Variants in PPP3CA observed in about 807,000 individuals in gnomAD.
The protein encoded by PPP3CA is protein phosphatase 3 catalytic subunit alpha.
Under a neutral mutation model 66.5 loss-of-function variants are expected in PPP3CA, and 14 were observed. That is an observed-to-expected ratio of 0.21 (90% confidence interval 0.14 to 0.33). PPP3CA has a LOEUF of 0.33. Ranked by LOEUF, PPP3CA falls within the 10% of genes least tolerant of loss-of-function variation. PPP3CA has a pLI of 1.00. For missense variants in PPP3CA, 317 were observed against 639.5 expected, an observed-to-expected ratio of 0.50 and a Z score of 5.44; for synonymous variants, 232 against 226.2, an observed-to-expected ratio of 1.03 and a Z score of -0.23.
intron 1 of PPP3CA, among the ~76,000 whole-genome samples, chr4:101,294,090 C>G (rs1728117422): frequency 6.6e-6 from 1 of 152,170 alleles, no homozygotes; most frequent in South Asian, 2.1e-4. Flanking sequence ...TGAGGAATGT[C>G]AACATCATCA....
chr4:101,106,450 A>AAAGAAAGAAGGAAAG (rs751759518), intron 3 of PPP3CA, among the ~76,000 whole-genome samples: 2 of 11,122 alleles, frequency 1.8e-4, no homozygotes, highest in East Asian at 3.1e-3. Context: ...AGAAAGAAAG[A>AAAGAAAGAAGGAAAG]AAGAGAAAAG....
chr4:101,268,677 T>C (rs560522813), intron 1 of PPP3CA, among the ~76,000 whole-genome samples: 1 of 152,138 alleles, frequency 6.6e-6, no homozygotes, highest in African/African-American at 2.4e-5. Context: ...ACAATCCCTA[T>C]AGCATATTAT....
intron 2 of PPP3CA, among the ~76,000 whole-genome samples, chr4:101,140,809 T>C (rs1722784068): frequency 6.6e-6 from 1 of 152,176 alleles, no homozygotes; most frequent in South Asian, 2.1e-4. Context: ...TGATTCTGTC[T>C]CTCCATCCAC....
At chr4:101,285,479 C>T (rs149752287) in intron 1 of PPP3CA, among the ~76,000 whole-genome samples, 1,607 of 152,082 alleles carry the variant, frequency 0.011, 27 homozygotes, top group African/African-American at 0.037. Flanking sequence ...TAAAGAGTTC[C>T]CCCTTCTTAT....
chr4:101,281,764 G>A (rs1727692105), intron 1 of PPP3CA, among the ~76,000 whole-genome samples: 1 of 152,092 alleles, frequency 6.6e-6, no homozygotes, highest in Admixed American at 6.5e-5. Flanking sequence ...AACAAACTAG[G>A]TTCTTCCATA....
chr4:101,176,131 T>A (rs2110319531), intron 2 of PPP3CA, among the ~76,000 whole-genome samples: 1 of 152,206 alleles, frequency 6.6e-6, no homozygotes, highest in East Asian at 1.9e-4. Context: ...AGAAGTGAGC[T>A]CTGGGTCAAG....
At chr4:101,248,045 C>G (rs933539664) in intron 1 of PPP3CA, among the ~76,000 whole-genome samples, 1 of 152,130 alleles carries the variant, frequency 6.6e-6, no homozygotes, top group East Asian at 1.9e-4. Flanking sequence ...CGGAAAGGAG[C>G]TTGGAAACAG....
At chr4:101,184,938 C>A (rs1007850345) in intron 2 of PPP3CA, among the ~76,000 whole-genome samples, 4 of 152,018 alleles carry the variant, frequency 2.6e-5, no homozygotes, top group South Asian at 2.1e-4. Flanking sequence ...GGGGGAGCTG[C>A]GGCAGTCCCA....
intron 8 of PPP3CA, among the ~76,000 whole-genome samples, chr4:101,066,663 A>C (rs1449594153): frequency 6.6e-6 from 1 of 152,102 alleles, no homozygotes; most frequent in African/African-American, 2.4e-5. Context: ...TTGTAAAATA[A>C]ATATATAACA....
At chr4:101,249,475 C>T (rs867204330) in intron 1 of PPP3CA, among the ~76,000 whole-genome samples, 1 of 151,378 alleles carries the variant, frequency 6.6e-6, no homozygotes, top group Non-Finnish European at 1.5e-5. Context: ...AAAGGAAAGA[C>T]GTGTGTGTGT....
chr4:101,230,954 T>C (rs1725942164), intron 1 of PPP3CA, among the ~76,000 whole-genome samples: 1 of 151,742 alleles, frequency 6.6e-6, no homozygotes, highest in Admixed American at 6.6e-5. Flanking sequence ...ATTTTACTCA[T>C]ACCTCATAAT....
intron 1 of PPP3CA, among the ~76,000 whole-genome samples, chr4:101,222,300 A>G (rs1260488749): frequency 6.6e-6 from 1 of 151,608 alleles, no homozygotes; most frequent in African/African-American, 2.4e-5. Context: ...ACCACATGAT[A>G]ATATAAGTGG....
Position 101,345,149 on chromosome 4 carries a change from G to T in PPP3CA, c.58+1590C>A, listed in dbSNP as rs543698396. On this transcript the variant is annotated intron_variant, in intron 1 of 13. Coordinates refer to ENST00000394854, the MANE Select transcript of PPP3CA (RefSeq NM_000944.5). ...AGAGCTATTTCCTCATTATTTTCAT[G>T]GGTATATGAATCCTGCACCGAAGCT... 1.2e-4 allele frequency among the ~76,000 whole-genome samples: 18 copies of T among 152,208 alleles called. No homozygotes were observed. The East Asian group carries it at 3.5e-3, about 29-fold the overall frequency.
chr4:101,187,634 G>C (rs12647402), intron 2 of PPP3CA, among the ~76,000 whole-genome samples: 1 of 152,108 alleles, frequency 6.6e-6, no homozygotes, highest in Non-Finnish European at 1.5e-5. Flanking sequence ...ACATAAGAAA[G>C]AGAATTTCAA....
intron 3 of PPP3CA, among the ~76,000 whole-genome samples, chr4:101,101,008 A>C (rs930355335): frequency 3.3e-5 from 5 of 152,156 alleles, no homozygotes; most frequent in Non-Finnish European, 7.4e-5. Context: ...TATCAGAACA[A>C]ATGTTTATTA....
At chr4:101,337,674 G>T (rs753419690) in intron 1 of PPP3CA, among the ~76,000 whole-genome samples, 2 of 152,212 alleles carry the variant, frequency 1.3e-5, no homozygotes, top group Non-Finnish European at 2.9e-5. Context: ...TGAGAGACTG[G>T]AAATATTCAT....
chr4:101,078,230 G>A (rs984527354), intron 8 of PPP3CA, among the ~76,000 whole-genome samples: 1 of 152,122 alleles, frequency 6.6e-6, no homozygotes, highest in Admixed American at 6.5e-5. Flanking sequence ...ATCATGGTGA[G>A]ACTGGGATAT....
At chr4:101,114,567 G>C (rs934129512) in intron 2 of PPP3CA, among the ~76,000 whole-genome samples, 1 of 152,078 alleles carries the variant, frequency 6.6e-6, no homozygotes, top group Non-Finnish European at 1.5e-5. Context: ...GGTGGCAAGA[G>C]TGGCCAATAT....
chr4:101,302,034 G>T (rs1029644217), intron 1 of PPP3CA, among the ~76,000 whole-genome samples: 1 of 151,856 alleles, frequency 6.6e-6, no homozygotes, highest in Non-Finnish European at 1.5e-5. Flanking sequence ...CTTCTAAAGG[G>T]TATACTTTTT....
Sources: gnomAD v4.1 joint callset for allele counts (sites outside exome capture counted in the v4.1 genomes callset) on GRCh38, gnomAD v4.1.1 for gene constraint, MANE v1.5 for transcripts, NCBI Gene and HGNC (gene_info 2026-07-23, HGNC 2026-07-21) for gene names.